PTPRF: variants seen among roughly 807,000 people sequenced by gnomAD.
PTPRF encodes protein tyrosine phosphatase receptor type F, also known as receptor-type tyrosine-protein phosphatase F.
A neutral mutation model predicts 201.8 loss-of-function variants in PTPRF; 59 were observed. That is an observed-to-expected ratio of 0.29 (90% CI 0.24 to 0.36). The LOEUF (loss-of-function observed/expected upper bound fraction) is 0.36. Ranked by LOEUF, PTPRF falls within the 10% of genes least tolerant of loss-of-function variation. PTPRF has a pLI of 1.00. For synonymous variants in PTPRF, 1,088 were observed against 1,089.7 expected (o/e 1.00, Z 0.03); for missense variants, 2,132 against 2,690.5 (o/e 0.79, Z 4.59).
intron 5 of PTPRF, among the ~76,000 whole-genome samples, chr1:43,558,169 G>T (rs1202187375): frequency 6.6e-6 from 1 of 152,176 alleles, no homozygotes. Context: ...GGTCGGGGAA[G>T]TAAGAGTCCT....
intron 5 of PTPRF, among the ~76,000 whole-genome samples, chr1:43,559,524 AGT>A (rs893735327): frequency 1.3e-5 from 2 of 149,652 alleles, no homozygotes; most frequent in East Asian, 2.0e-4. Context: ...TATATCGGGT[AGT>A]GTGTGTGTGT....
At position 43,620,893 on chromosome 1, in the gene PTPRF, G is replaced by T. The variant is rs1369562264; in HGVS notation, c.5420G>T (p.Gly1807Val). The change falls in exon 32 of 34, where the codon GGC becomes GTC. Residue 1807 changes from glycine to valine, a missense_variant. Gly to Val is a moderately radical substitution (Grantham distance 109). Coordinates refer to ENST00000359947, the MANE Select transcript of PTPRF (RefSeq NM_002840.5). ...CAGTTCACAGACTGGCCAGAGCAGG[G>T]CGTGCCCAAGACAGGCGAGGGATTC... The part of the protein sequence containing the change: ...QFQFTDWPEQ[G>V]VPKTGEGFID... 2 of 1,614,216 alleles carry T rather than the reference G, an allele frequency of 1.2e-6. No individual in the cohort carries two copies. The highest frequency in any genetic ancestry group is 1.7e-5 in the Admixed American group (1 of 60,022).
rs369600496 is a variant in PTPRF at position 43,553,966 on chromosome 1, G to C, written c.379+25G>C. 31 of 1,611,552 alleles carry C rather than the reference G, an allele frequency of 1.9e-5. No individual in the cohort carries two copies. Among genetic ancestry groups the C allele is most frequent in the Non-Finnish European group, 2.0e-5 (24 of 1,178,266 alleles). Reference sequence around the variant, plus strand: ...GGTACGTGCTAGGGAGACGTGGCACGGTGGGCTGCCGGGCTGAGGCGTGGG... The same window carrying C: ...GGTACGTGCTAGGGAGACGTGGCACCGTGGGCTGCCGGGCTGAGGCGTGGG... On this transcript the variant is annotated intron_variant, in intron 5 of 33. Coordinates refer to ENST00000359947, the MANE Select transcript of PTPRF (RefSeq NM_002840.5). This position sits in a 1 kb window ranked among gnomAD's most constrained non-coding sequence, Gnocchi z 4.1.
intron 6 of PTPRF, among the ~76,000 whole-genome samples, chr1:43,578,250 G>T (rs114643967): frequency 6.4e-4 from 97 of 152,352 alleles, no homozygotes; most frequent in Non-Finnish European, 1.2e-3. Context: ...CTGGCGGGGA[G>T]GGGGTGGAGT....
intron 19 of PTPRF, 49 bp downstream of exon 19, chr1:43,605,671 G>T: frequency 6.4e-7 from 1 of 1,552,636 alleles, no homozygotes; most frequent in Non-Finnish European, 8.9e-7. Flanking sequence ...GCAGTGGTCA[G>T]CTGTGGCCTT....
chr1:43,524,981 G>C (rs1643055040), upstream of PTPRF, among the ~76,000 whole-genome samples: 2 of 152,230 alleles, frequency 1.3e-5, no homozygotes, highest in Admixed American at 1.3e-4. Context: ...CTGACCTGTG[G>C]AGTCATGTGG....
chr1:43,563,488 G>A (rs1158750335), intron 5 of PTPRF, among the ~76,000 whole-genome samples: 1 of 152,200 alleles, frequency 6.6e-6, no homozygotes, highest in Non-Finnish European at 1.5e-5. Context: ...AATCTCAGGA[G>A]GCCAGAGCCA....
chr1:43,605,717 C>G, intron 19 of PTPRF, 95 bp downstream of exon 19: 2 of 1,200,114 alleles, frequency 1.7e-6, no homozygotes, highest in Non-Finnish European at 2.4e-6. Flanking sequence ...CTCTCAGATT[C>G]ACTCCCCAAA....
intron 23 of PTPRF, 26 bp downstream of exon 23, chr1:43,613,741 G>A (rs750943830): frequency 1.1e-5 from 18 of 1,593,898 alleles, no homozygotes; most frequent in East Asian, 2.2e-5. Flanking sequence ...CCCCTACCAT[G>A]TGCCTGGCCC....
intron 13 of PTPRF, 71 bp from the exon 14 acceptor site, chr1:43,602,000 C>T: frequency 6.4e-7 from 1 of 1,553,312 alleles, no homozygotes; most frequent in South Asian, 1.1e-5. Flanking sequence ...AGGTCCCTTC[C>T]AGGCCAGGCC....
upstream of PTPRF, among the ~76,000 whole-genome samples, chr1:43,522,344 G>C (rs1206782425): frequency 6.6e-6 from 1 of 152,136 alleles, no homozygotes; most frequent in African/African-American, 2.4e-5. Context: ...ACTCTCCCCT[G>C]CTTTTCTTCT....
At chr1:43,566,388 A>G (rs1646188231) in intron 5 of PTPRF, among the ~76,000 whole-genome samples, 1 of 152,214 alleles carries the variant, frequency 6.6e-6, no homozygotes, top group Admixed American at 6.5e-5. Context: ...AATGCTTCAT[A>G]AATCTTACTG....
intron 16 of PTPRF, 64 bp downstream of exon 16, chr1:43,604,253 T>C: frequency 6.5e-7 from 1 of 1,528,424 alleles, no homozygotes; most frequent in East Asian, 2.3e-5. Context: ...TCTGCTCTCC[T>C]TGAGCCACTG....
At chr1:43,530,202 G>A (rs904578051), upstream of PTPRF, among the ~76,000 whole-genome samples, 1 of 151,982 alleles carries the variant, frequency 6.6e-6, no homozygotes, top group Non-Finnish European at 1.5e-5. This position sits in a 1 kb window ranked among gnomAD's most constrained non-coding sequence, Gnocchi z 4.1. Context: ...ATTGAGAATC[G>A]AATTCAGAGT....
chr1:43,547,470 T>TCTGTCTTCCAGGC (rs1553170845), intron 3 of PTPRF, among the ~76,000 whole-genome samples: 3 of 152,058 alleles, frequency 2.0e-5, no homozygotes, highest in African/African-American at 7.3e-5. Flanking sequence ...GGAGCCAGGG[T>TCTGTCTTCCAGGC]CTGTCTTCCA....
At chr1:43,584,045 A>G (rs1045009008) in intron 7 of PTPRF, among the ~76,000 whole-genome samples, 2 of 151,930 alleles carry the variant, frequency 1.3e-5, no homozygotes, top group Non-Finnish European at 2.9e-5. Flanking sequence ...TTTCCTGGAG[A>G]CTGTCCTTGA....
chr1:43,615,551 C>CTTTTTTTTT lies in PTPRF; in HGVS notation c.4071+1858_4072-1864dup, dbSNP rs68193223. Among the ~76,000 whole-genome samples the CTTTTTTTTT allele has an allele frequency of 2.5e-3, 213 of 84,148 alleles. 13 individuals are homozygous for CTTTTTTTTT. The highest frequency in any genetic ancestry group is 6.8e-3 in the Middle Eastern group (1 of 146). 55.2% of individuals were successfully genotyped at this position (84,148 alleles called of 152,430 possible). ...AGCCAGGACCCCATAGCTCTGTTGT[C>CTTTTTTTTT]TTTTTTTTTTTTTTTTTTTTTTTTT... On this transcript the variant is annotated intron_variant, in intron 23 of 33. Transcript: ENST00000359947.
rs529058684 is a variant in PTPRF at position 43,591,852 on chromosome 1, G to T, written c.1572G>T (p.Ser524=). The stretch of plus-strand genomic sequence containing the variant: ...CGGACTTCCAGGCCGAGGTGGAGTC[G>T]GACACCAGGATCCAGCTCTCGTGGC... ...QPADFQAEVE[S]DTRIQLSWLL... is the part of the protein sequence containing the mutation. The change falls in exon 10 of 34, where the codon TCG becomes TCT. Residue 524 remains serine, a synonymous_variant. Coordinates refer to ENST00000359947, the MANE Select transcript of PTPRF (RefSeq NM_002840.5). The T allele has an allele frequency of 3.1e-6, 5 of 1,613,438 alleles. No individual in the cohort carries two copies. The highest frequency in any genetic ancestry group is 4.2e-6 in the Non-Finnish European group (5 of 1,180,012).
At chr1:43,612,894 C>A in intron 22 of PTPRF, 2 of 1,078,484 alleles carry the variant, frequency 1.9e-6, no homozygotes, top group Non-Finnish European at 2.6e-6. Context: ...CTCCATCCTT[C>A]CTTGAATTCT....
Sources: allele counts gnomAD v4.1 joint callset (sites outside exome capture counted in the v4.1 genomes callset), GRCh38; gene constraint gnomAD v4.1.1; non-coding constraint Gnocchi (gnomAD v3.1); transcripts MANE v1.5; gene names NCBI Gene and HGNC (gene_info 2026-07-23, HGNC 2026-07-21).